Variants in RBMS2 observed in about 807,000 individuals in gnomAD.
RBMS2 encodes RNA-binding motif, single-stranded-interacting protein 2.
A neutral mutation model predicts 58.4 loss-of-function variants in RBMS2; 38 were observed. The observed-to-expected ratio is 0.65, with a 90% CI of 0.50 to 0.85. The LOEUF is 0.85. Among genes scored for constraint, RBMS2 ranks in the 40% least tolerant of loss-of-function variants. RBMS2 has a pLI of 0.00. For missense variants in RBMS2, 367 were observed against 503.7 expected (o/e 0.73, Z 2.60); for synonymous variants, 151 against 180.7 (o/e 0.84, Z 1.32).
rs1035274239 is a variant in RBMS2 at position 56,595,331 on chromosome 12, C to G, written c.*6198C>G. 1.3e-5 allele frequency: 2 copies of G among 152,168 alleles called. No individual in the cohort carries two copies. Among genetic ancestry groups the G allele is most frequent in the Non-Finnish European group, 2.9e-5 (2 of 68,036 alleles). 9.4% of individuals were successfully genotyped at this position (152,168 alleles called of 1,614,324 possible). ...ACATATCCAGCGCGAGTGAAGTCCCCACTCCAACATATACCCTTTTTGGGT... is the reference window on the plus strand; with the variant it reads ...ACATATCCAGCGCGAGTGAAGTCCCGACTCCAACATATACCCTTTTTGGGT... On this transcript the variant is annotated 3_prime_UTR_variant, in exon 14 of 14. Transcript: ENST00000262031.
intron 1 of RBMS2, among the ~76,000 whole-genome samples, chr12:56,536,311 A>G (rs939698339): frequency 4.6e-5 from 7 of 151,122 alleles, no homozygotes; most frequent in Non-Finnish European, 1.0e-4. Flanking sequence ...TTTTGTAGTG[A>G]TAGGGTTTCA....
chr12:56,522,211 C>G (rs189020839), intron 1 of RBMS2, 122 bp downstream of exon 1: 5 of 738,984 alleles, frequency 6.8e-6, no homozygotes, highest in Non-Finnish European at 6.6e-6. Flanking sequence ...TTCCTAATTC[C>G]TCACCGCGCT....
chr12:56,563,122 C>CA (rs1226894569), intron 2 of RBMS2, among the ~76,000 whole-genome samples: 9 of 151,754 alleles, frequency 5.9e-5, no homozygotes, highest in Non-Finnish European at 1.3e-4. Flanking sequence ...GATTCCATCT[C>CA]AAAAAAATAA....
intron 1 of RBMS2, among the ~76,000 whole-genome samples, chr12:56,543,389 G>A (rs1876511205): frequency 6.8e-6 from 1 of 147,438 alleles, no homozygotes; most frequent in African/African-American, 2.5e-5. Context: ...GGAGGCTGAG[G>A]AAGGAGAATC....
intron 1 of RBMS2, among the ~76,000 whole-genome samples, chr12:56,528,529 A>G (rs1873107588): frequency 6.6e-6 from 1 of 152,188 alleles, no homozygotes; most frequent in Non-Finnish European, 1.5e-5. Flanking sequence ...ATCGATGTTT[A>G]TCCACAGGCT....
chr12:56,573,385 G>A (rs1487174227), intron 5 of RBMS2, among the ~76,000 whole-genome samples: 2 of 149,048 alleles, frequency 1.3e-5, no homozygotes, highest in African/African-American at 2.5e-5. Context: ...GCTGAGGCAG[G>A]AGAATCACTT....
At chr12:56,549,184 G>A (rs1325113389) in intron 1 of RBMS2, among the ~76,000 whole-genome samples, 1 of 151,998 alleles carries the variant, frequency 6.6e-6, no homozygotes, top group South Asian at 2.1e-4. Flanking sequence ...TAGTAGAGAC[G>A]GGGTTTCACC....
chr12:56,572,382 G>T (rs1882455554), intron 5 of RBMS2, among the ~76,000 whole-genome samples: 2 of 151,686 alleles, frequency 1.3e-5, no homozygotes, highest in Non-Finnish European at 2.9e-5. Flanking sequence ...ATAAAGATGG[G>T]GTCTTGCTGT....
upstream of RBMS2, among the ~76,000 whole-genome samples, chr12:56,521,593 A>G (rs1241139193): frequency 2.8e-5 from 4 of 145,076 alleles, no homozygotes; most frequent in Admixed American, 2.9e-4. Flanking sequence ...GCTGAGATCT[A>G]AGGGTGGAAA....
intron 2 of RBMS2, among the ~76,000 whole-genome samples, chr12:56,563,636 A>G (rs1346661491): frequency 6.6e-6 from 1 of 152,182 alleles, no homozygotes; most frequent in African/African-American, 2.4e-5. Flanking sequence ...AGTCTGGTGT[A>G]TATAAAAAAC....
At position 56,581,817 on chromosome 12, in the gene RBMS2, T is replaced by C. The variant is rs1565779267; in HGVS notation, c.733-16T>C. 2 of 1,614,064 alleles carry C rather than the reference T, an allele frequency of 1.2e-6. No homozygotes were observed. Among genetic ancestry groups the C allele is most frequent in the South Asian group, 2.2e-5 (2 of 91,086 alleles). ...TCAAGGGCTCACAATGTGAACACTG[T>C]GTTCTTTCTTTATAGGGCGTCATGG... On this transcript the variant is annotated splice_polypyrimidine_tract_variant and intron_variant, in intron 7 of 13. Transcript: ENST00000262031.
rs1057388884 is a variant in RBMS2, at chr12:56,581,202, G to T, written c.561G>T (p.Lys187Asn). Residue 187 changes from lysine (K) to asparagine (N), a missense_variant, in exon 6 of 14, where the codon AAG becomes AAT. Physicochemically the swap from Lys to Asn is moderately conservative, Grantham distance 94 (BLOSUM62 0). Transcript: ENST00000262031. Reference sequence around the variant, plus strand: ...TCCTTAGGATGGAGTCCACAGAGAAGTGTGAAGCCATCATCACCCACTTTA... The same window carrying T: ...TCCTTAGGATGGAGTCCACAGAGAATTGTGAAGCCATCATCACCCACTTTA... ...VGFARMESTE[K>N]CEAIITHFNG... The T allele has an allele frequency of 2.5e-6, 4 of 1,605,428 alleles. No individual in the cohort carries two copies. The highest frequency in any genetic ancestry group is 8.5e-7 in the Non-Finnish European group (1 of 1,172,232).
In RBMS2 at chr12:56,587,725, C is replaced by A. The variant is rs17118813; in HGVS notation, c.1062+61C>A. ...CTGAGCAAGGCATACCTGTGTAATA[C>A]TCTTCAGCGTAAGTAACTTATGAAT... On this transcript the variant is annotated intron_variant, in intron 11 of 13. Coordinates refer to ENST00000262031, the MANE Select transcript of RBMS2 (RefSeq NM_002898.4). The A allele has an allele frequency of 2.3e-3, 3,615 of 1,539,612 alleles. 89 individuals carry two copies. The Admixed American group carries it at 0.033, about 14-fold the overall frequency.
intron 5 of RBMS2, chr12:56,572,945 G>A (rs997469536): frequency 2.0e-6 from 2 of 984,592 alleles, no homozygotes; most frequent in Admixed American, 6.2e-5. Flanking sequence ...CCTTCTTTGG[G>A]CTTTGGTATC....
At chr12:56,574,009 T>G (rs1414349234) in intron 5 of RBMS2, among the ~76,000 whole-genome samples, 1 of 152,100 alleles carries the variant, frequency 6.6e-6, no homozygotes, top group African/African-American at 2.4e-5. Context: ...CCCAGCTAAT[T>G]TTTGTATTTT....
chr12:56,542,743 T>A (rs1368305563), intron 1 of RBMS2, among the ~76,000 whole-genome samples: 1 of 151,298 alleles, frequency 6.6e-6, no homozygotes, highest in African/African-American at 2.4e-5. Flanking sequence ...AGAGGCAGGG[T>A]CTCCCTGTGT....
chr12:56,558,743 G>A (rs1316454805), intron 1 of RBMS2, among the ~76,000 whole-genome samples: 1 of 148,848 alleles, frequency 6.7e-6, no homozygotes, highest in Non-Finnish European at 1.5e-5. Flanking sequence ...CTACAGGTGT[G>A]TGCCACCATG....
chr12:56,533,390 C>T (rs551687004), intron 1 of RBMS2, among the ~76,000 whole-genome samples: 41 of 147,588 alleles, frequency 2.8e-4, no homozygotes, highest in African/African-American at 6.5e-4. Context: ...GTGTGAGCCG[C>T]GGCACCCAGC....
intron 1 of RBMS2, among the ~76,000 whole-genome samples, chr12:56,543,664 CT>C (rs934876796): frequency 3.0e-4 from 45 of 149,926 alleles, no homozygotes; most frequent in African/African-American, 1.1e-3. Context: ...AGAGTCACCT[CT>C]TTTTTTTGGA....
Sources: gnomAD v4.1 joint callset for allele counts (sites outside exome capture counted in the v4.1 genomes callset) on GRCh38, gnomAD v4.1.1 for gene constraint, MANE v1.5 for transcripts, NCBI Gene and HGNC (gene_info 2026-07-23, HGNC 2026-07-21) for gene names.